The following ALMS1 variants were observed in gnomAD, a reference collection of about 807,000 sequenced individuals.
ALMS1 encodes ALMS1 centrosome and basal body associated protein.
Under a neutral mutation model 352.2 loss-of-function variants are expected in ALMS1, and 271 were observed. The observed-to-expected ratio is 0.77, with a 90% CI of 0.70 to 0.85. The LOEUF (loss-of-function observed/expected upper bound fraction) is 0.85. ALMS1 is among the 40% of genes least tolerant of loss of function. The probability of loss-of-function intolerance (pLI) is 0.00; values close to 1 mark genes in which losing one functional copy is unlikely to be tolerated. For missense variants in ALMS1, 5,445 were observed against 4,870.7 expected (o/e 1.12, Z -3.51); for synonymous variants, 1,865 against 1,761.2 (o/e 1.06, Z -1.48).
intron 15 of ALMS1, among the ~76,000 whole-genome samples, chr2:73,568,992 C>CCTCTTTTTTTTT (rs1558697963): frequency 1.5e-5 from 1 of 66,904 alleles, no homozygotes; most frequent in African/African-American, 5.2e-5. Flanking sequence ...GCTGCTTCTG[C>CCTCTTTTTTTTT]TTCTTTTTTT....
intron 9 of ALMS1, among the ~76,000 whole-genome samples, chr2:73,476,015 T>C (rs1001036192): frequency 6.6e-6 from 1 of 152,044 alleles, no homozygotes; most frequent in African/African-American, 2.4e-5. Context: ...CTTGTAATAC[T>C]GAAACTCTAT....
chr2:73,574,550 G>C (rs139681241), intron 16 of ALMS1, among the ~76,000 whole-genome samples: 1 of 152,054 alleles, frequency 6.6e-6, no homozygotes, highest in African/African-American at 2.4e-5. Flanking sequence ...GAGACCACTG[G>C]TCTAGAGAAA....
At chr2:73,524,626 T>C (rs1673751905) in intron 11 of ALMS1, among the ~76,000 whole-genome samples, 1 of 152,124 alleles carries the variant, frequency 6.6e-6, no homozygotes, top group Admixed American at 6.5e-5. Flanking sequence ...CTAATTTTTG[T>C]ATTTTTAGTA....
At chr2:73,521,594 A>AG (rs1343574509) in intron 11 of ALMS1, among the ~76,000 whole-genome samples, 1 of 151,256 alleles carries the variant, frequency 6.6e-6, no homozygotes, top group East Asian at 1.9e-4. Context: ...AAAAAAAAAA[A>AG]AAAAAAATAG....
rs1358846301 is a variant in ALMS1, at chr2:73,392,590, A to G, written c.324+6398A>G. 3.9e-5 allele frequency among the ~76,000 whole-genome samples: 6 copies of G among 152,154 alleles called. No individual in the cohort carries two copies. In the East Asian group the frequency reaches 1.2e-3, roughly 29 times the overall value. ...TACCTATTTTGGGCATTTCATATAA[A>G]TGGAATGATATGTGTTTTTGTGACT... On this transcript the variant is annotated intron_variant, in intron 1 of 22. Transcript: ENST00000613296.
chr2:73,452,635 G>C lies in ALMS1; in HGVS notation c.6108G>C (p.Gln2036His). The C allele has an allele frequency of 6.2e-7, 1 of 1,614,008 alleles. No individual in the cohort carries two copies. The highest frequency in any genetic ancestry group is 8.5e-7 in the Non-Finnish European group (1 of 1,179,976). The change falls in exon 8 of 23, where the codon CAG becomes CAC. Residue 2036 changes from glutamine to histidine, a missense_variant. Physicochemically the swap from Gln to His is conservative, Grantham distance 24. Coordinates refer to ENST00000613296, the MANE Select transcript of ALMS1 (RefSeq NM_001378454.1). ...KISTVIGPND[Q>H]KTPSQTAFHS... ...CAACTGTGATTGGACCAAATGACCA[G>C]AAGACTCCATCCCAGACAGCTTTTC...
chr2:73,437,826 C>G (rs760997142), intron 7 of ALMS1, among the ~76,000 whole-genome samples: 35 of 152,246 alleles, frequency 2.3e-4, no homozygotes, highest in Middle Eastern at 3.4e-3. Context: ...GAGAGGCTTC[C>G]TACACAGCCA....
At chr2:73,603,938 A>G (rs1449850493) in intron 21 of ALMS1, 6 of 152,754 alleles carry the variant, frequency 3.9e-5, no homozygotes, top group Admixed American at 3.9e-4. Flanking sequence ...TAGCAATCCC[A>G]TTTCTAGGAA....
At chr2:73,493,741 A>G (rs1181290431) in intron 10 of ALMS1, among the ~76,000 whole-genome samples, 1 of 152,104 alleles carries the variant, frequency 6.6e-6, no homozygotes, top group Non-Finnish European at 1.5e-5. Flanking sequence ...TTTATAAAGT[A>G]TGTATGTATA....
rs373614102 is a variant in ALMS1, at chr2:73,385,889, A to T, written c.21A>T (p.Pro7=). ...CCAACATGGAGCCCGAGGATCTGCC[A>T]TGGCCGGGCGAGCTGGAGGAGGAGG... MEPEDL[P]WPGELEEEEE... is the part of the protein sequence containing the mutation. Residue 7 remains proline, a synonymous_variant, in exon 1 of 23, where the codon CCA becomes CCT. Coordinates refer to ENST00000613296, the MANE Select transcript of ALMS1 (RefSeq NM_001378454.1). The T allele has an allele frequency of 1.1e-5, 9 of 834,082 alleles. No homozygotes were observed. The highest frequency in any genetic ancestry group is 5.1e-5 in the African/African-American group (3 of 58,692). 51.7% of individuals were successfully genotyped at this position (834,082 alleles called of 1,614,324 possible).
intron 13 of ALMS1, 46 bp downstream of exon 13, chr2:73,550,483 T>C: frequency 1.2e-6 from 2 of 1,600,488 alleles, no homozygotes; most frequent in Non-Finnish European, 8.6e-7. Flanking sequence ...TCTCCCCTTT[T>C]CATCCTAAAT....
At chr2:73,474,031 CAA>C (rs1190545748) in intron 9 of ALMS1, among the ~76,000 whole-genome samples, 6 of 151,938 alleles carry the variant, frequency 3.9e-5, no homozygotes, top group African/African-American at 7.3e-5. Context: ...GGGTTAAACT[CAA>C]AGAGACCCAC....
In ALMS1 at chr2:73,449,913, T is replaced by C; in HGVS notation, c.3386T>C (p.Leu1129Pro). Residue 1129 changes from leucine to proline, a missense_variant, in exon 8 of 23, where the codon CTA becomes CCA. Transcript: ENST00000613296. ...EALKISVAPG[L>P]ADQKTGTPTV... Reference sequence around the variant, plus strand: ...CTGAAAATTTCAGTAGCTCCTGGACTAGCAGACCAGAAGACTGGCACACCA... The same window carrying C: ...CTGAAAATTTCAGTAGCTCCTGGACCAGCAGACCAGAAGACTGGCACACCA... 3 of 1,613,050 alleles carry C rather than the reference T, an allele frequency of 1.9e-6. No homozygotes were observed. The highest frequency in any genetic ancestry group is 1.1e-5 in the South Asian group (1 of 91,024).
intron 12 of ALMS1, among the ~76,000 whole-genome samples, chr2:73,542,512 A>T (rs990618751): frequency 1.3e-5 from 2 of 152,196 alleles, no homozygotes; most frequent in Non-Finnish European, 2.9e-5. Context: ...AGTTCTGGCC[A>T]GGGCAATCAG....
chr2:73,594,286 T>C (rs1159765880), intron 16 of ALMS1, among the ~76,000 whole-genome samples: 1 of 152,246 alleles, frequency 6.6e-6, no homozygotes, highest in East Asian at 1.9e-4. Context: ...GATAATTATA[T>C]TGGGTTGAGA....
intron 10 of ALMS1, among the ~76,000 whole-genome samples, chr2:73,504,791 T>G (rs1332341029): frequency 6.6e-6 from 1 of 152,170 alleles, no homozygotes; most frequent in Non-Finnish European, 1.5e-5. Flanking sequence ...TCAGGTTTGT[T>G]ACATAGGTAT....
chr2:73,603,331 A>T (rs17848872), intron 21 of ALMS1, 27 bp downstream of exon 21: 1 of 1,609,176 alleles, frequency 6.2e-7, no homozygotes, highest in Non-Finnish European at 8.5e-7. Context: ...AAGAGTACGT[A>T]TACAAGTGTA....
chr2:73,484,297 T>G (rs1274664113), intron 9 of ALMS1, among the ~76,000 whole-genome samples: 1 of 151,568 alleles, frequency 6.6e-6, no homozygotes, highest in Non-Finnish European at 1.5e-5. Flanking sequence ...AGCATTTGCT[T>G]GTCTGTAAAG....
chr2:73,466,143 C>A (rs576193683), intron 9 of ALMS1, among the ~76,000 whole-genome samples: 3 of 152,042 alleles, frequency 2.0e-5, no homozygotes, highest in African/African-American at 4.8e-5. Context: ...GGTATATACC[C>A]AAAGGATTAT....
Sources: allele counts gnomAD v4.1 joint callset (sites outside exome capture counted in the v4.1 genomes callset), GRCh38; gene constraint gnomAD v4.1.1; transcripts MANE v1.5; gene names NCBI Gene and HGNC (gene_info 2026-07-23, HGNC 2026-07-21).